Variants in VCF1 observed in about 807,000 individuals in gnomAD.
VCF1 encodes protein VCF1.
At chr17:73,207,940 A>T in the VCF1 span, 1 of 1,203,240 alleles carries the variant, frequency 8.3e-7, no homozygotes, top group Non-Finnish European at 1.0e-6. Flanking sequence ...AGTTTAAAAA[A>T]AAAAAAAGCT....
At chr17:73,210,740 C>T in the VCF1 span, among the ~76,000 whole-genome samples, 10 of 149,764 alleles carry the variant, frequency 6.7e-5, no homozygotes, top group African/African-American at 1.7e-4. Flanking sequence ...TACAAGCGTA[C>T]GCCACCATGC....
chr17:73,208,031 G>C, the VCF1 span: 37 of 1,338,604 alleles, frequency 2.8e-5, no homozygotes, highest in Non-Finnish European at 3.5e-5. Context: ...TGATCTTTCA[G>C]TTCTGCCCAC....
chr17:73,229,574 T>C, the VCF1 span: 1 of 985,380 alleles, frequency 1.0e-6, no homozygotes, highest in African/African-American at 1.7e-5. Flanking sequence ...GAAATAATCT[T>C]AAGAGTATGG....
chr17:73,231,266 A>G, the VCF1 span, among the ~76,000 whole-genome samples: 7 of 152,254 alleles, frequency 4.6e-5, no homozygotes, highest in African/African-American at 1.7e-4. Context: ...CGTAACAGGA[A>G]GAGCATTCTG....
At chr17:73,224,005 G>C in the VCF1 span, among the ~76,000 whole-genome samples, 1 of 146,622 alleles carries the variant, frequency 6.8e-6, no homozygotes, top group Non-Finnish European at 1.5e-5. Flanking sequence ...AGGGAGGAAG[G>C]AAAGGAGGGA....
At chr17:73,208,767 C>T in the VCF1 span, 1 of 409,662 alleles carries the variant, frequency 2.4e-6, no homozygotes. Context: ...GTTTGTAGGA[C>T]AAAAAGTCAT....
chr17:73,214,403 A>G, the VCF1 span, among the ~76,000 whole-genome samples: 3 of 152,092 alleles, frequency 2.0e-5, no homozygotes, highest in African/African-American at 7.2e-5. Context: ...TATATTTGGT[A>G]TGTACTGGGT....
the VCF1 span, chr17:73,227,767 T>C: frequency 2.1e-6 from 1 of 480,338 alleles, no homozygotes; most frequent in Non-Finnish European, 2.7e-6. Context: ...CTAGCCGGTA[T>C]TATGATATAA....
At chr17:73,228,176 G>T in the VCF1 span, among the ~76,000 whole-genome samples, 7 of 152,208 alleles carry the variant, frequency 4.6e-5, no homozygotes, top group Non-Finnish European at 5.9e-5. Flanking sequence ...GGACATTTCC[G>T]TCACTGCAGA....
the VCF1 span, among the ~76,000 whole-genome samples, chr17:73,219,995 A>C: frequency 2.6e-5 from 4 of 152,038 alleles, no homozygotes; most frequent in Admixed American, 6.6e-5. Context: ...AAAAAAAAAA[A>C]AAACAAAACT....
the VCF1 span, chr17:73,209,649 G>A: frequency 1.5e-5 from 24 of 1,555,216 alleles, no homozygotes; most frequent in South Asian, 2.7e-4. Context: ...GCTGAGGCGT[G>A]TTAGGGCTGG....
chr17:73,207,678 T>C, the VCF1 span: 1 of 1,294,604 alleles, frequency 7.7e-7, no homozygotes, highest in Middle Eastern at 2.1e-4. Flanking sequence ...TGACATTTTC[T>C]TGTTAATACA....
chr17:73,208,139 T>G, the VCF1 span: 16 of 1,498,106 alleles, frequency 1.1e-5, no homozygotes, highest in Non-Finnish European at 1.4e-5. Context: ...AGGCTCATGC[T>G]GTTCCGTGTC....
chr17:73,227,288 A>G, the VCF1 span: 3 of 1,469,134 alleles, frequency 2.0e-6, no homozygotes, highest in Admixed American at 4.7e-5. Flanking sequence ...ACAAGGAGAA[A>G]AAAAAAAAAA....
chr17:73,214,727 G>A, the VCF1 span, among the ~76,000 whole-genome samples: 14 of 152,288 alleles, frequency 9.2e-5, no homozygotes, highest in South Asian at 8.3e-4. Context: ...GATGATGCAC[G>A]GCTTTGGAAA....
chr17:73,208,943 AGT>A, the VCF1 span: 1 of 259,440 alleles, frequency 3.9e-6, no homozygotes, highest in Non-Finnish European at 7.5e-6. Flanking sequence ...ATTATTAGGG[AGT>A]GTGCTTCACT....
At chr17:73,225,868 A>AAATATATATATAT in the VCF1 span, among the ~76,000 whole-genome samples, 1 of 85,352 alleles carries the variant, frequency 1.2e-5, no homozygotes, top group Non-Finnish European at 2.3e-5. Flanking sequence ...TAGGAAAAAA[A>AAATATATATATAT]TATATATATA....
At chr17:73,225,899 A>ATATATATATATATATTTT in the VCF1 span, among the ~76,000 whole-genome samples, 4 of 114,844 alleles carry the variant, frequency 3.5e-5, no homozygotes, top group African/African-American at 1.5e-4. Flanking sequence ...ATATATATAT[A>ATATATATATATATATTTT]TTTTTTTTTT....
chr17:73,209,845 C>T, the VCF1 span: 19 of 1,516,312 alleles, frequency 1.3e-5, no homozygotes, highest in Admixed American at 1.0e-4. Context: ...TCATGTACAG[C>T]GCTCTATTAA....
Sources: gnomAD v4.1 joint callset for allele counts (sites outside exome capture counted in the v4.1 genomes callset) on GRCh38, gnomAD v4.1.1 for gene constraint, MANE v1.5 for transcripts, NCBI Gene and HGNC (gene_info 2026-07-23, HGNC 2026-07-21) for gene names.